Variants in FGD6 observed in about 807,000 individuals in gnomAD.
FGD6 encodes FYVE, RhoGEF and PH domain-containing protein 6.
Under a neutral mutation model 149.4 loss-of-function variants are expected in FGD6, and 90 were observed. That is an observed-to-expected ratio of 0.60 (90% CI 0.51 to 0.72). The LOEUF (loss-of-function observed/expected upper bound fraction) is 0.72, where lower values mean the gene tolerates loss of function less well. FGD6 is among the 30% of genes least tolerant of loss of function. FGD6 has a pLI of 0.00. For missense variants in FGD6, 1,437 were observed against 1,684.8 expected (o/e 0.85, Z 2.57); for synonymous variants, 527 against 584.0 (o/e 0.90, Z 1.41).
At position 95,199,392 on chromosome 12, in the gene FGD6, A is replaced by G. The variant is rs888016296; in HGVS notation, c.2441+9451T>C. On this transcript the variant is annotated intron_variant, in intron 2 of 20. Coordinates refer to ENST00000343958, the MANE Select transcript of FGD6 (RefSeq NM_018351.4). ...TTTTCAAACCACTTGATTACACAACAAAAAAAAATCCTTATTTATTTTTTT... is the reference window on the plus strand; with the variant it reads ...TTTTCAAACCACTTGATTACACAACGAAAAAAAATCCTTATTTATTTTTTT... Among the ~76,000 whole-genome samples, 41 of 151,648 alleles carry G rather than the reference A, an allele frequency of 2.7e-4. 1 individual carries two copies. The highest frequency in any genetic ancestry group is 2.0e-3 in the Admixed American group (30 of 15,228).
chr12:95,199,997 C>T (rs555814113), intron 2 of FGD6, among the ~76,000 whole-genome samples: 3 of 152,236 alleles, frequency 2.0e-5, no homozygotes, highest in South Asian at 2.1e-4. Context: ...CTTCTTTATA[C>T]ATTTTGTCGA....
chr12:95,184,093 C>T (rs149234532), intron 2 of FGD6, among the ~76,000 whole-genome samples: 5 of 152,090 alleles, frequency 3.3e-5, no homozygotes, highest in Admixed American at 6.6e-5. Context: ...TTCCATGTTA[C>T]AGAATGCTAA....
At chr12:95,198,770 A>C (rs1410507129) in intron 2 of FGD6, among the ~76,000 whole-genome samples, 1 of 152,186 alleles carries the variant, frequency 6.6e-6, no homozygotes, top group Non-Finnish European at 1.5e-5. Flanking sequence ...CATGCTATTT[A>C]TGTGAATGGC....
In FGD6 at chr12:95,092,592, T is replaced by A. The variant is rs538035805; in HGVS notation, c.3747+107A>T. ...TTAACATAATAATAATAATAGTTAT[T>A]GTTATTCTTGAACTATAATGGTTTA... On this transcript the variant is annotated intron_variant, in intron 16 of 20. Transcript: ENST00000343958. 3.7e-4 allele frequency: 424 copies of A among 1,139,516 alleles called. 2 individuals carry two copies. Among genetic ancestry groups the A allele is most frequent in the South Asian group, 1.0e-3 (51 of 50,486 alleles). The allele number at this position is 1,139,516 out of a possible 1,614,324, so 70.6% of individuals were successfully genotyped here.
Position 95,210,262 on chromosome 12 carries a change from G to C in FGD6, c.1022C>G (p.Pro341Arg), listed in dbSNP as rs754288500. The change falls in exon 2 of 21, where the codon CCG becomes CGG. Residue 341 changes from proline (P) to arginine (R), a missense_variant. Transcript: ENST00000343958. ...VDTPSESTEE[P>R]GNSDSSSSCL... ...GGAAGAGCTACTGTCTGAATTCCCC[G>C]GTTCTTCAGTGCTTTCACTAGGAGT... is the stretch of plus-strand genomic sequence containing the variant. The C allele has an allele frequency of 6.2e-7, 1 of 1,613,684 alleles. No homozygotes were observed. The highest frequency in any genetic ancestry group is 1.1e-5 in the South Asian group (1 of 91,042).
intron 8 of FGD6, among the ~76,000 whole-genome samples, chr12:95,116,428 T>G (rs1879016929): frequency 6.6e-6 from 1 of 152,182 alleles, no homozygotes. Context: ...TAAATTTCTG[T>G]TTTTTAATAC....
chr12:95,081,685 A>ATTT (rs745458824), intron 20 of FGD6, 129 bp from the exon 21 acceptor site: 2,549 of 232,324 alleles, frequency 0.011, 11 homozygotes, highest in Admixed American at 0.02. Context: ...ATATATATGT[A>ATTT]TTTTTTTTTT....
chr12:95,203,543 G>T (rs780221516), intron 2 of FGD6, among the ~76,000 whole-genome samples: 3 of 152,136 alleles, frequency 2.0e-5, no homozygotes, highest in Non-Finnish European at 4.4e-5. Flanking sequence ...CCTATTCAGG[G>T]TACAACTAAG....
intron 13 of FGD6, among the ~76,000 whole-genome samples, chr12:95,106,443 G>GT (rs1292093262): frequency 6.7e-4 from 96 of 143,962 alleles, no homozygotes; most frequent in African/African-American, 2.6e-3. Context: ...GCTAATTTTT[G>GT]TTTGTTTTTT....
Position 95,126,208 on chromosome 12 carries a change from C to T in FGD6, c.3082+8531G>A. The T allele has an allele frequency of 2.5e-6, 3 of 1,191,924 alleles. No individual in the cohort carries two copies. The South Asian group carries it at 3.8e-5, about 15-fold the overall frequency. 73.8% of individuals were successfully genotyped at this position (1,191,924 alleles called of 1,614,324 possible). A position where few individuals can be genotyped will look rare whatever the true frequency, so the allele number is the denominator to read the frequency against. On this transcript the variant is annotated intron_variant, in intron 8 of 20. Transcript: ENST00000343958. ...AAAGCACCTGTTGCTAAGGGTGCTG[C>T]TGCAGCTGCTGCTAAATTTCCAGCA...
chr12:95,197,363 G>C (rs1431710632), intron 2 of FGD6, among the ~76,000 whole-genome samples: 1 of 152,092 alleles, frequency 6.6e-6, no homozygotes, highest in Non-Finnish European at 1.5e-5. Context: ...GCTTGAACCT[G>C]GGAGGTGGAG....
At chr12:95,205,393 CAT>C (rs1266996145) in intron 2 of FGD6, among the ~76,000 whole-genome samples, 1 of 152,214 alleles carries the variant, frequency 6.6e-6, no homozygotes, top group African/African-American at 2.4e-5. Context: ...TGGTTGGTCA[CAT>C]GTGTAGACTC....
chr12:95,140,306 T>C (rs939916850), intron 6 of FGD6, among the ~76,000 whole-genome samples: 1 of 152,196 alleles, frequency 6.6e-6, no homozygotes, highest in African/African-American at 2.4e-5. Context: ...ACCAACCTTT[T>C]GGTATTCTTT....
intron 9 of FGD6, among the ~76,000 whole-genome samples, chr12:95,112,196 T>G (rs1376508931): frequency 1.3e-5 from 2 of 151,640 alleles, no homozygotes. Context: ...TTCATGCCAC[T>G]GCACTCCAGC....
chr12:95,181,438 C>T (rs189957553), intron 2 of FGD6, among the ~76,000 whole-genome samples: 44 of 152,228 alleles, frequency 2.9e-4, no homozygotes, highest in East Asian at 2.3e-3. Context: ...TGGGAGGCAT[C>T]CAGGTCAAAC....
chr12:95,195,201 T>C (rs1881706333), intron 2 of FGD6, among the ~76,000 whole-genome samples: 1 of 152,194 alleles, frequency 6.6e-6, no homozygotes, highest in Admixed American at 6.6e-5. Context: ...AGCACCTGAT[T>C]AGCTACAACG....
intron 1 of FGD6, among the ~76,000 whole-genome samples, chr12:95,214,909 C>CTAGAGTG (rs2056746480): frequency 7.0e-6 from 1 of 143,808 alleles, no homozygotes; most frequent in Non-Finnish European, 1.5e-5. Flanking sequence ...GTCACCCAGG[C>CTAGAGTG]TAGAGTGCAG....
intron 5 of FGD6, among the ~76,000 whole-genome samples, chr12:95,144,988 C>CTTTTTT (rs34338776): frequency 0.014 from 1,344 of 98,802 alleles, 63 homozygotes; most frequent in Non-Finnish European, 0.021. Context: ...CGCACCCGGC[C>CTTTTTT]TTTTTTTTTT....
intron 5 of FGD6, among the ~76,000 whole-genome samples, chr12:95,146,458 A>G (rs2136267085): frequency 6.6e-6 from 1 of 152,358 alleles, no homozygotes; most frequent in Middle Eastern, 3.4e-3. Context: ...CAGCAGGATT[A>G]GCTCTTCAAA....
Sources: allele counts gnomAD v4.1 joint callset (sites outside exome capture counted in the v4.1 genomes callset), GRCh38; gene constraint gnomAD v4.1.1; transcripts MANE v1.5; gene names NCBI Gene and HGNC (gene_info 2026-07-23, HGNC 2026-07-21).